Variants in STK3 observed in about 807,000 individuals in gnomAD.
STK3 encodes the protein serine/threonine-protein kinase 3.
STK3 carries 41 observed loss-of-function variants against 58.0 expected under a neutral mutation model. That is an observed-to-expected ratio of 0.71 (90% CI 0.55 to 0.92). STK3 has a LOEUF of 0.92. Ranked by LOEUF, STK3 falls within the 40% of genes least tolerant of loss-of-function variation. The pLI is 0.00. For missense variants in STK3, 479 were observed against 602.7 expected (o/e 0.79, Z 2.15); for synonymous variants, 170 against 191.0 (o/e 0.89, Z 0.91).
At chr8:98,741,161 C>T (rs1443534141) in intron 4 of STK3, among the ~76,000 whole-genome samples, 1 of 152,160 alleles carries the variant, frequency 6.6e-6, no homozygotes, top group Non-Finnish European at 1.5e-5. Context: ...CTTTAACACC[C>T]CACTGTCAAC....
At chr8:98,464,559 A>G (rs897148049) in intron 10 of STK3, among the ~76,000 whole-genome samples, 3 of 150,186 alleles carry the variant, frequency 2.0e-5, no homozygotes, top group African/African-American at 7.3e-5. Flanking sequence ...AAAAAAAAAA[A>G]AAAAAGAAAG....
chr8:98,772,486 G>A (rs1369323306), intron 2 of STK3, among the ~76,000 whole-genome samples: 1 of 152,044 alleles, frequency 6.6e-6, no homozygotes, highest in Non-Finnish European at 1.5e-5. Context: ...ATCACCTGAG[G>A]TCAGGAGTTC....
At chr8:98,682,301 C>T (rs1476602907) in intron 6 of STK3, among the ~76,000 whole-genome samples, 2 of 152,104 alleles carry the variant, frequency 1.3e-5, no homozygotes, top group Non-Finnish European at 1.5e-5. Context: ...ACATACAAGT[C>T]CTTAAAGATC....
chr8:98,536,811 T>C (rs962422953), intron 9 of STK3, among the ~76,000 whole-genome samples: 2 of 152,232 alleles, frequency 1.3e-5, no homozygotes, highest in African/African-American at 4.8e-5. Flanking sequence ...TATTCCCAAA[T>C]GGAGGATGTA....
intron 1 of STK3, among the ~76,000 whole-genome samples, chr8:98,812,688 A>C (rs1476081808): frequency 3.3e-5 from 5 of 152,248 alleles, no homozygotes; most frequent in Admixed American, 2.6e-4. Flanking sequence ...CATATACACC[A>C]TGGAATACTA....
At chr8:98,722,177 A>T (rs547439904) in intron 4 of STK3, among the ~76,000 whole-genome samples, 14 of 152,308 alleles carry the variant, frequency 9.2e-5, no homozygotes, top group African/African-American at 3.4e-4. Flanking sequence ...GAATAGAAAT[A>T]TAACAATTAT....
chr8:98,893,483 A>AG (rs1470322356), intron 1 of STK3, among the ~76,000 whole-genome samples: 31 of 71,892 alleles, frequency 4.3e-4, no homozygotes, highest in African/African-American at 1.5e-3. Flanking sequence ...AGAAAGAAAG[A>AG]AAGAGAAAGA....
chr8:98,859,602 T>C (rs1836852048), intron 3 of STK3, among the ~76,000 whole-genome samples: 1 of 152,248 alleles, frequency 6.6e-6, no homozygotes, highest in South Asian at 2.1e-4. Flanking sequence ...TTGATTTTCC[T>C]ATCCATGAAC....
chr8:98,910,194 G>T (rs910513160), intron 1 of STK3, among the ~76,000 whole-genome samples: 1 of 152,038 alleles, frequency 6.6e-6, no homozygotes, highest in South Asian at 2.1e-4. Context: ...TGGATAATTT[G>T]TCTTTTTTAT....
At chr8:98,776,331 T>C (rs1324719194) in intron 1 of STK3, among the ~76,000 whole-genome samples, 1 of 151,774 alleles carries the variant, frequency 6.6e-6, no homozygotes, top group East Asian at 1.9e-4. Flanking sequence ...TAGCAGTGGT[T>C]CAGGTTTGCT....
intron 4 of STK3, among the ~76,000 whole-genome samples, chr8:98,743,147 C>T (rs1474870043): frequency 1.3e-5 from 2 of 151,566 alleles, no homozygotes; most frequent in African/African-American, 2.4e-5. Flanking sequence ...TGAAAATGGC[C>T]ATACTGCCCA....
downstream of STK3, among the ~76,000 whole-genome samples, chr8:98,449,994 TAG>T (rs1478694561): frequency 6.6e-6 from 1 of 152,190 alleles, no homozygotes; most frequent in African/African-American, 2.4e-5. Context: ...TCCCAGCCTC[TAG>T]AGTCATAAAC....
At chr8:98,473,504 A>G (rs920101814) in intron 10 of STK3, among the ~76,000 whole-genome samples, 4 of 152,184 alleles carry the variant, frequency 2.6e-5, no homozygotes, top group Non-Finnish European at 4.4e-5. Flanking sequence ...TCTCCTTTAG[A>G]AAGTCAAACT....
intron 10 of STK3, among the ~76,000 whole-genome samples, chr8:98,473,329 T>A (rs1323106501): frequency 6.6e-6 from 1 of 152,170 alleles, no homozygotes; most frequent in Non-Finnish European, 1.5e-5. Context: ...ATCTACACAG[T>A]TAGCTTCTTT....
chr8:98,612,313 T>C (rs1035630652), intron 6 of STK3, among the ~76,000 whole-genome samples: 1 of 150,374 alleles, frequency 6.7e-6, no homozygotes. Flanking sequence ...TCCCAGCCAC[T>C]TGGGAAGCCG....
intron 2 of STK3, among the ~76,000 whole-genome samples, chr8:98,773,617 A>G (rs2131481382): frequency 6.6e-6 from 1 of 152,126 alleles, no homozygotes; most frequent in Non-Finnish European, 1.5e-5. Flanking sequence ...AAATAGCCTT[A>G]TATTTCCATT....
chr8:98,372,331 A>G (rs548763967), intron 2 of STK3, among the ~76,000 whole-genome samples: 85 of 152,280 alleles, frequency 5.6e-4, no homozygotes, highest in African/African-American at 2.0e-3. Flanking sequence ...AGGGCTCTTC[A>G]GGGCAGCCTC....
intron 3 of STK3, among the ~76,000 whole-genome samples, chr8:98,408,579 G>A (rs1818022642): frequency 6.6e-6 from 1 of 152,182 alleles, no homozygotes; most frequent in African/African-American, 2.4e-5. Context: ...GGGCTTAAGG[G>A]AAGACTCAAT....
rs562584386 is a variant in STK3, at chr8:98,522,990, T to C, written c.1317+3752A>G. Among the ~76,000 whole-genome samples the C allele has an allele frequency of 5.3e-5, 8 of 152,338 alleles. No individual in the cohort carries two copies. The East Asian group carries it at 1.5e-3, about 29-fold the overall frequency. On this transcript the variant is annotated intron_variant, in intron 10 of 10. Transcript: ENST00000419617. ...TCTACCTTTTTGTCATTGTGAATAA[T>C]GCTGCCATGAAAAAGGGTGTACAAC... is the stretch of plus-strand genomic sequence containing the variant.
Sources: allele counts gnomAD v4.1 joint callset (sites outside exome capture counted in the v4.1 genomes callset), GRCh38; gene constraint gnomAD v4.1.1; transcripts MANE v1.5; gene names NCBI Gene and HGNC (gene_info 2026-07-23, HGNC 2026-07-21).